The following NDC80 variants were observed in gnomAD, a reference collection of about 807,000 sequenced individuals.
The protein encoded by NDC80 is NDC80 kinetochore complex component.
A neutral mutation model predicts 89.3 loss-of-function variants in NDC80; 69 were observed. That is an observed-to-expected ratio of 0.77 (90% CI 0.64 to 0.94). NDC80 has a LOEUF of 0.94. Ranked by LOEUF, NDC80 falls within the 40% of genes least tolerant of loss-of-function variation. NDC80 has a pLI of 0.00. For missense variants in NDC80, 593 were observed against 739.6 expected, an observed-to-expected ratio of 0.80 and a Z score of 2.30; for synonymous variants, 243 against 255.6, an observed-to-expected ratio of 0.95 and a Z score of 0.47.
chr18:2,612,992 G>T (rs12962207), intron 16 of NDC80, among the ~76,000 whole-genome samples: 35,382 of 152,132 alleles, frequency 0.23, 4,441 homozygotes, highest in Middle Eastern at 0.36. Context: ...AAAACAGAGA[G>T]GGGGGTTTAG....
chr18:2,604,688 A>G (rs1352415039), intron 13 of NDC80, among the ~76,000 whole-genome samples: 1 of 152,212 alleles, frequency 6.6e-6, no homozygotes, highest in Non-Finnish European at 1.5e-5. Context: ...CTCCAAAAAG[A>G]AAAAACAAAG....
At chr18:2,609,932 G>A (rs563227677) in intron 15 of NDC80, among the ~76,000 whole-genome samples, 2 of 152,296 alleles carry the variant, frequency 1.3e-5, no homozygotes, top group Admixed American at 6.5e-5. Context: ...GCCAGATTGC[G>A]CTCATATTTC....
chr18:2,579,069 G>A lies in NDC80; in HGVS notation c.579+40G>A, dbSNP rs751275762. Reference sequence around the variant, plus strand: ...CTTTTGAAATGTATACATGGGAAAGGGTTTTTTTCCTCAAAAAAAATATTT... The same window carrying A: ...CTTTTGAAATGTATACATGGGAAAGAGTTTTTTTCCTCAAAAAAAATATTT... On this transcript the variant is annotated intron_variant, in intron 6 of 16. Transcript: ENST00000261597. The A allele has an allele frequency of 4.0e-6, 5 of 1,264,180 alleles. No homozygotes were observed. In the African/African-American group the frequency reaches 6.2e-5, roughly 16 times the overall value. The allele number at this position is 1,264,180 out of a possible 1,614,324, so 78.3% of individuals were successfully genotyped here.
chr18:2,601,321 A>G, intron 12 of NDC80, 75 bp from the exon 13 acceptor site: 2 of 553,666 alleles, frequency 3.6e-6, no homozygotes, highest in Non-Finnish European at 5.9e-6. Context: ...CTCCTATCAC[A>G]GTGTGTAGAT....
In NDC80 at chr18:2,590,082, C is replaced by T; in HGVS notation, c.935C>T (p.Ala312Val). 6.2e-7 allele frequency: 1 copy of T among 1,612,180 alleles called. No individual in the cohort carries two copies. The highest frequency in any genetic ancestry group is 8.5e-7 in the Non-Finnish European group (1 of 1,178,974). Reference sequence around the variant, plus strand: ...CAAGGAGATGTTCAAAAGTATCAGGCATACATGAGCAATTTGGAGTCTCAT... The same window carrying T: ...CAAGGAGATGTTCAAAAGTATCAGGTATACATGAGCAATTTGGAGTCTCAT... ...SLQGDVQKYQ[A>V]YMSNLESHSA... The change falls in exon 10 of 17, where the codon GCA becomes GTA. Residue 312 changes from alanine (A) to valine (V), a missense_variant. Ala to Val is a moderately conservative substitution (Grantham distance 64). Transcript: ENST00000261597.
chr18:2,612,253 G>T (rs2072748507), intron 16 of NDC80, among the ~76,000 whole-genome samples: 1 of 140,928 alleles, frequency 7.1e-6, no homozygotes, highest in African/African-American at 2.6e-5. Context: ...AACATCCTTA[G>T]CACCTCTGAC....
At chr18:2,583,939 T>C (rs1041200930) in intron 6 of NDC80, among the ~76,000 whole-genome samples, 1 of 152,158 alleles carries the variant, frequency 6.6e-6, no homozygotes, top group African/African-American at 2.4e-5. Flanking sequence ...ATAGTCCTTT[T>C]CTTAGAAGTT....
chr18:2,608,582 G>T, intron 14 of NDC80, 118 bp from the exon 15 acceptor site: 1 of 1,094,064 alleles, frequency 9.1e-7, no homozygotes, highest in Non-Finnish European at 1.3e-6. Flanking sequence ...AGCATCTTGA[G>T]AATACAAATG....
intron 3 of NDC80, among the ~76,000 whole-genome samples, chr18:2,576,134 G>A (rs1356721807): frequency 2.0e-5 from 3 of 152,092 alleles, no homozygotes; most frequent in Non-Finnish European, 4.4e-5. Flanking sequence ...ACATTATCTA[G>A]TCCAACATTT....
intron 16 of NDC80, 56 bp downstream of exon 16, chr18:2,610,917 C>G: frequency 9.3e-6 from 10 of 1,079,660 alleles, no homozygotes; most frequent in Non-Finnish European, 1.3e-5. Flanking sequence ...AACTTTGATA[C>G]ATTTCTGCTT....
At chr18:2,608,881 AAC>A in intron 15 of NDC80, 51 bp downstream of exon 15, 1 of 1,548,994 alleles carries the variant, frequency 6.5e-7, no homozygotes, top group Admixed American at 1.8e-5. Context: ...TTATTAATTT[AAC>A]AGTTCCATAA....
chr18:2,599,086 A>AAT lies in NDC80; in HGVS notation c.1289_1290insAT (p.Asn431Ter). The AAT allele has an allele frequency of 6.2e-7, 1 of 1,613,146 alleles. No individual in the cohort carries two copies. Among genetic ancestry groups the AAT allele is most frequent in the Non-Finnish European group, 8.5e-7 (1 of 1,179,502 alleles). The stretch of plus-strand genomic sequence containing the variant: ...TTAAAACTTATTCCTAAAGGTGCTG[A>AAT]GAATTCCAAAGGTTATGACTTTGAA... On this transcript the variant is annotated frameshift_variant, in exon 12 of 17. Transcript: ENST00000261597. LOFTEE classifies it high-confidence loss of function.
intron 12 of NDC80, among the ~76,000 whole-genome samples, chr18:2,600,663 C>T (rs181537197): frequency 8.6e-5 from 13 of 151,122 alleles, no homozygotes; most frequent in Non-Finnish European, 1.8e-4. Context: ...TTGCAAGGAG[C>T]AGGCCAAAAT....
intron 9 of NDC80, 38 bp downstream of exon 9, chr18:2,589,348 T>A: frequency 7.0e-7 from 1 of 1,427,646 alleles, no homozygotes; most frequent in Non-Finnish European, 9.8e-7. Context: ...TGAGAGCTCT[T>A]TTAGACTTTT....
At chr18:2,578,903 T>C (rs371360944) in intron 5 of NDC80, 24 bp from the exon 6 acceptor site, 3 of 1,318,050 alleles carry the variant, frequency 2.3e-6, no homozygotes, top group Non-Finnish European at 2.0e-6. Context: ...TTAAATTAGC[T>C]TATGTTTTTC....
At chr18:2,606,854 C>G (rs1466285685) in intron 14 of NDC80, among the ~76,000 whole-genome samples, 1 of 151,980 alleles carries the variant, frequency 6.6e-6, no homozygotes, top group Admixed American at 6.6e-5. Context: ...AAAGCCTGAA[C>G]CCCAATAAGG....
intron 16 of NDC80, among the ~76,000 whole-genome samples, chr18:2,614,718 T>C (rs1309476225): frequency 6.6e-6 from 1 of 152,108 alleles, no homozygotes; most frequent in Non-Finnish European, 1.5e-5. Context: ...AAAAAAATAT[T>C]TACACTATAT....
intron 6 of NDC80, among the ~76,000 whole-genome samples, chr18:2,581,193 T>C (rs9965933): frequency 0.14 from 20,906 of 152,198 alleles, 2,691 homozygotes; most frequent in African/African-American, 0.34. Context: ...AGGAAGGCCT[T>C]TTTTCCTCCC....
rs55648444 is a variant in NDC80 at position 2,612,276 on chromosome 18, C to CTTTTTTTTT, written c.1791+1440_1791+1448dup. Among the ~76,000 whole-genome samples, 197 of 60,414 alleles carry CTTTTTTTTT rather than the reference C, an allele frequency of 3.3e-3. 6 individuals carry two copies. Among genetic ancestry groups the CTTTTTTTTT allele is most frequent in the South Asian group, 4.7e-3 (5 of 1,074 alleles). 39.6% of individuals were successfully genotyped at this position (60,414 alleles called of 152,430 possible). On this transcript the variant is annotated intron_variant, in intron 16 of 16. Coordinates refer to ENST00000261597, the MANE Select transcript of NDC80 (RefSeq NM_006101.3). Reference sequence around the variant, plus strand: ...TAGCACCTCTGACTTTCTTTTCTTTCTTTTTTTTTTTTTTTTTTTTTTTTT... The same window carrying CTTTTTTTTT: ...TAGCACCTCTGACTTTCTTTTCTTTCTTTTTTTTTTTTTTTTTTTTTTTTTTTTTTTTTT...
Sources: allele counts gnomAD v4.1 joint callset (sites outside exome capture counted in the v4.1 genomes callset), GRCh38; gene constraint gnomAD v4.1.1; transcripts MANE v1.5; gene names NCBI Gene and HGNC (gene_info 2026-07-23, HGNC 2026-07-21).